The following SLC7A6 variants were observed in gnomAD, a reference collection of about 807,000 sequenced individuals.
The protein encoded by SLC7A6 is solute carrier family 7 member 6.
A neutral mutation model predicts 46.6 loss-of-function variants in SLC7A6; 29 were observed. That is an observed-to-expected ratio of 0.62 (90% CI 0.46 to 0.85). The LOEUF is 0.85. Ranked by LOEUF, SLC7A6 falls within the 40% of genes least tolerant of loss-of-function variation. The pLI is 0.00. For synonymous variants in SLC7A6, 276 were observed against 257.3 expected (o/e 1.07, Z -0.70); for missense variants, 527 against 647.6 (o/e 0.81, Z 2.02).
Position 68,297,235 on chromosome 16 carries a change from T to C in SLC7A6, c.1455T>C (p.Ala485=), listed in dbSNP as rs780351166. 143 of 1,613,664 alleles carry C rather than the reference T, an allele frequency of 8.9e-5. No homozygotes were observed. Among genetic ancestry groups the C allele is most frequent in the Non-Finnish European group, 1.2e-4 (137 of 1,179,880 alleles). The stretch of plus-strand genomic sequence containing the variant: ...TGTGCTTGCTCTATTTTCATTTAGC[T>C]GCTATCACCAGAGGCACCCAGCAGC... The part of the protein sequence containing the change: ...RRPLFIRNVL[A]AITRGTQQLC... Residue 485 remains alanine (A), a splice_region_variant and synonymous_variant, in exon 11 of 11, where the codon GCT becomes GCC. Coordinates refer to ENST00000219343, the MANE Select transcript of SLC7A6 (RefSeq NM_003983.6).
Position 68,297,373 on chromosome 16 carries a change from C to G in SLC7A6, c.*45C>G. On this transcript the variant is annotated 3_prime_UTR_variant, in exon 11 of 11. Transcript: ENST00000219343. ...GAGGCCTGGAAGGCAGGCCAACCAG[C>G]AAAATCCTGATAACAAGACTCTGTG... The G allele has an allele frequency of 6.5e-7, 1 of 1,527,280 alleles. No homozygotes were observed. Among genetic ancestry groups the G allele is most frequent in the South Asian group, 1.1e-5 (1 of 88,486 alleles). The allele number at this position is 1,527,280 out of a possible 1,614,324, so 94.6% of individuals were successfully genotyped here. A position where few individuals can be genotyped will look rare whatever the true frequency, so the allele number is the denominator to read the frequency against.
chr16:68,266,377 T>C, intron 1 of SLC7A6, among the ~76,000 whole-genome samples: 1 of 152,236 alleles, frequency 6.6e-6, no homozygotes, highest in East Asian at 1.9e-4. Flanking sequence ...TTGGGCTGGC[T>C]ACTTCAGTTA....
intron 3 of SLC7A6, among the ~76,000 whole-genome samples, chr16:68,278,322 T>A (rs564740746): frequency 2.8e-4 from 42 of 151,574 alleles, no homozygotes; most frequent in African/African-American, 7.8e-4. Context: ...TTTTTTTTTT[T>A]ATTGATCATT....
chr16:68,294,834 G>T, intron 8 of SLC7A6, 33 bp downstream of exon 8: 3 of 1,447,538 alleles, frequency 2.1e-6, no homozygotes, highest in Non-Finnish European at 2.9e-6. Context: ...GGCTCAGGTG[G>T]ATCTGTGCAT....
rs9936444 is a variant in SLC7A6 at position 68,287,933 on chromosome 16, C to G, written c.649+62C>G. Reference sequence around the variant, plus strand: ...TCTGGATTCCCTGAGGAGAACATGGCGACTCTGTTAGCTTCACTGCTCGGC... The same window carrying G: ...TCTGGATTCCCTGAGGAGAACATGGGGACTCTGTTAGCTTCACTGCTCGGC... On this transcript the variant is annotated intron_variant, in intron 4 of 10. Coordinates refer to ENST00000219343, the MANE Select transcript of SLC7A6 (RefSeq NM_003983.6). 0.025 allele frequency: 39,076 copies of G among 1,587,440 alleles called. 6,982 individuals carry two copies. In the African/African-American group the frequency reaches 0.42, roughly 17 times the overall value.
chr16:68,271,739 A>G (rs928349071), intron 2 of SLC7A6, among the ~76,000 whole-genome samples: 1 of 152,144 alleles, frequency 6.6e-6, no homozygotes, highest in Non-Finnish European at 1.5e-5. Context: ...TTGGGTGTTT[A>G]GCAAAGAGGT....
At chr16:68,284,519 A>T in intron 3 of SLC7A6, 1 of 355,618 alleles carries the variant, frequency 2.8e-6, no homozygotes, top group Non-Finnish European at 3.9e-6. Context: ...AGCCTTCTTT[A>T]TTCATTAGTT....
At chr16:68,283,242 A>T (rs1405448251) in intron 3 of SLC7A6, among the ~76,000 whole-genome samples, 1 of 152,194 alleles carries the variant, frequency 6.6e-6, no homozygotes, top group African/African-American at 2.4e-5. Flanking sequence ...TGTTTCTCTC[A>T]CATGTTAAAA....
At chr16:68,268,999 C>G (rs556419630) in intron 2 of SLC7A6, among the ~76,000 whole-genome samples, 2 of 151,826 alleles carry the variant, frequency 1.3e-5, no homozygotes, top group African/African-American at 4.8e-5. Flanking sequence ...GAGCGAAACT[C>G]CGTCTAAAAA....
chr16:68,269,475 T>C (rs1183042662), intron 2 of SLC7A6, among the ~76,000 whole-genome samples: 2 of 152,224 alleles, frequency 1.3e-5, no homozygotes, highest in South Asian at 2.1e-4. Flanking sequence ...TTGGGTGTTA[T>C]TGTTGCTATG....
chr16:68,297,327 A>G lies in SLC7A6; in HGVS notation c.1547A>G (p.Ter516TrpextTer7). 6.2e-7 allele frequency: 1 copy of G among 1,613,902 alleles called. No individual in the cohort carries two copies. Among genetic ancestry groups the G allele is most frequent in the Non-Finnish European group, 8.5e-7 (1 of 1,179,862 alleles). ...EEKKDERKTD* is the reference protein window; with the variant it reads ...EEKKDERKTDW ...AAAAAGGATGAGAGGAAAACTGACT[A>G]GAGGTCAGAGGTGGCTTTCTGAGGC... Residue 516 changes from the stop codon to tryptophan (W), a stop_lost, in exon 11 of 11, where the codon TAG becomes TGG. Coordinates refer to ENST00000219343, the MANE Select transcript of SLC7A6 (RefSeq NM_003983.6).
Position 68,299,475 on chromosome 16 carries a change from C to G in SLC7A6, c.*2147C>G, listed in dbSNP as rs2043231709. ...CAGGATCCTCTCTTTGGGAGCGAAGCCAGAGGATCCCTACAGCACTCAAGC... is the reference window on the plus strand; with the variant it reads ...CAGGATCCTCTCTTTGGGAGCGAAGGCAGAGGATCCCTACAGCACTCAAGC... On this transcript the variant is annotated 3_prime_UTR_variant, in exon 11 of 11. Coordinates refer to ENST00000219343, the MANE Select transcript of SLC7A6 (RefSeq NM_003983.6). The G allele has an allele frequency of 6.6e-6, 1 of 152,620 alleles. No individual in the cohort carries two copies. The highest frequency in any genetic ancestry group is 6.5e-5 in the Admixed American group (1 of 15,284). 9.5% of individuals were successfully genotyped at this position (152,620 alleles called of 1,614,324 possible). A position where few individuals can be genotyped will look rare whatever the true frequency, so the allele number is the denominator to read the frequency against.
chr16:68,275,096 G>C lies in SLC7A6; in HGVS notation c.370G>C (p.Ala124Pro). The change falls in exon 3 of 11, where the codon GCC (alanine) becomes CCC (proline). Residue 124 changes from alanine to proline, a missense_variant. By Grantham distance (27) the Ala-to-Pro change is conservative. Transcript: ENST00000219343. ...YILEAFGGFI[A>P]FIRLWVSLLV... Reference sequence around the variant, plus strand: ...TCTAGAGGCCTTTGGGGGCTTCATTGCCTTCATCCGCCTGTGGGTCTCACT... The same window carrying C: ...TCTAGAGGCCTTTGGGGGCTTCATTCCCTTCATCCGCCTGTGGGTCTCACT... 6.2e-7 allele frequency: 1 copy of C among 1,614,140 alleles called. No individual in the cohort carries two copies. The highest frequency in any genetic ancestry group is 2.2e-5 in the East Asian group (1 of 44,888).
Position 68,289,437 on chromosome 16 carries a change from G to A in SLC7A6, c.650-959G>A, listed in dbSNP as rs142057127. Among the ~76,000 whole-genome samples, 891 of 152,240 alleles carry A rather than the reference G, an allele frequency of 5.9e-3. 8 individuals carry two copies. The highest frequency in any genetic ancestry group is 0.021 in the African/African-American group (872 of 41,530). On this transcript the variant is annotated intron_variant, in intron 4 of 10. Coordinates refer to ENST00000219343, the MANE Select transcript of SLC7A6 (RefSeq NM_003983.6). ...TCAGGAGCATCCTGGGGTCAAATTGGGTTTTGAGTAATCCTCCCCTGAAGA... is the reference window on the plus strand; with the variant it reads ...TCAGGAGCATCCTGGGGTCAAATTGAGTTTTGAGTAATCCTCCCCTGAAGA...
Position 68,297,525 on chromosome 16 carries a change from T to G in SLC7A6, c.*197T>G, listed in dbSNP as rs2043194218. 9.5e-6 allele frequency: 2 copies of G among 210,600 alleles called. No individual in the cohort carries two copies. The highest frequency in any genetic ancestry group is 1.9e-5 in the Non-Finnish European group (2 of 104,314). The allele number at this position is 210,600 out of a possible 1,614,324, so 13.0% of individuals were successfully genotyped here. On this transcript the variant is annotated 3_prime_UTR_variant, in exon 11 of 11. Transcript: ENST00000219343. ...CTGGGCCAACCTCAAGGTGGGGGCTTCAGAGGGTGGGGGGAAGATTGGGGA... is the reference window on the plus strand; with the variant it reads ...CTGGGCCAACCTCAAGGTGGGGGCTGCAGAGGGTGGGGGGAAGATTGGGGA...
chr16:68,274,783 C>A lies in SLC7A6; in HGVS notation c.57C>A (p.Thr19=), dbSNP rs772524418. The change falls in exon 3 of 11, where the codon ACC becomes ACA. Residue 19 remains threonine (T), a synonymous_variant. Coordinates refer to ENST00000219343, the MANE Select transcript of SLC7A6 (RefSeq NM_003983.6). ...PTPTYHLVPN[T]SQSQVEEDVS... ...CCACCTACCATCTTGTCCCTAACAC[C>A]AGCCAGTCCCAGGTGGAAGAAGATG... 2 of 1,614,218 alleles carry A rather than the reference C, an allele frequency of 1.2e-6. No individual in the cohort carries two copies. The highest frequency in any genetic ancestry group is 4.5e-5 in the East Asian group (2 of 44,884).
At chr16:68,283,391 G>A (rs923787425) in intron 3 of SLC7A6, among the ~76,000 whole-genome samples, 1 of 152,150 alleles carries the variant, frequency 6.6e-6, no homozygotes, top group Non-Finnish European at 1.5e-5. Flanking sequence ...TGTCTGCACT[G>A]TAACTGACAA....
intron 5 of SLC7A6, 129 bp from the exon 6 acceptor site, chr16:68,291,080 T>G: frequency 8.5e-7 from 1 of 1,178,388 alleles, no homozygotes; most frequent in South Asian, 1.3e-5. Context: ...AAGGGGAAGG[T>G]GAGCCTCCCT....
chr16:68,290,253 T>C, intron 4 of SLC7A6, 143 bp from the exon 5 acceptor site: 1 of 811,622 alleles, frequency 1.2e-6, no homozygotes, highest in South Asian at 2.1e-5. Context: ...TTCTTGTTCC[T>C]CCCCATTCCT....
Sources: gnomAD v4.1 joint callset for allele counts (sites outside exome capture counted in the v4.1 genomes callset) on GRCh38, gnomAD v4.1.1 for gene constraint, MANE v1.5 for transcripts, NCBI Gene and HGNC (gene_info 2026-07-23, HGNC 2026-07-21) for gene names.